The following PHF6 variants were observed in gnomAD, a reference collection of about 807,000 sequenced individuals.
PHF6 encodes PHD finger protein 6.
Under a neutral mutation model 34.0 loss-of-function variants are expected in PHF6, and 7 were observed. The ratio of observed to expected loss-of-function variants is 0.21; its 90% confidence interval spans 0.12 to 0.39. PHF6 has a LOEUF of 0.39. PHF6 is among the 10% of genes least tolerant of loss of function. PHF6 has a pLI of 1.00. For missense variants in PHF6, 128 were observed against 262.8 expected, an observed-to-expected ratio of 0.49 and a Z score of 3.55; for synonymous variants, 89 against 88.4, an observed-to-expected ratio of 1.01 and a Z score of -0.04.
chrX:134,406,021 G>T (rs929486671), intron 5 of PHF6, among the ~76,000 whole-genome samples: 4 of 108,858 alleles, frequency 3.7e-5, no homozygotes, highest in Admixed American at 3.0e-4. Flanking sequence ...CAAAGCAGAG[G>T]TGGTGATGCT....
In PHF6 at chrX:134,427,003, TGATA is replaced by T. The variant is rs1467985616; in HGVS notation, c.*1346_*1349del. The T allele has an allele frequency of 6.1e-6, 1 of 163,421 alleles. No individual in the cohort carries two copies. Among genetic ancestry groups the T allele is most frequent in the Non-Finnish European group, 1.2e-5 (1 of 84,525 alleles). The allele number at this position is 163,421 out of a possible 1,213,427, so 13.5% of individuals were successfully genotyped here. ...ACTGTACATTGAGATATTCTGCAGC[TGATA>T]GAGCAGCATTTTAAAAATGTAACAG... On this transcript the variant is annotated 3_prime_UTR_variant, in exon 11 of 11. Transcript: ENST00000370803.
chrX:134,389,101 G>A (rs1027258689), intron 3 of PHF6, among the ~76,000 whole-genome samples: 1 of 111,447 alleles, frequency 9.0e-6, no homozygotes, highest in African/African-American at 3.3e-5. Context: ...TTACTAGGTC[G>A]ACTAGGTAGC....
At position 134,427,923 on chromosome X, in the gene PHF6, G is replaced by C. The variant is rs1602724016; in HGVS notation, c.*2263G>C. On this transcript the variant is annotated 3_prime_UTR_variant, in exon 11 of 11. Transcript: ENST00000370803. The stretch of plus-strand genomic sequence containing the variant: ...TCATCTTCTGGGTAGTAATTACATT[G>C]TGGTATTAATATTTAGAAAAATGGA... 3.2e-5 allele frequency: 5 copies of C among 153,975 alleles called. No homozygotes were observed. The East Asian group carries it at 5.0e-4, about 15-fold the overall frequency. 12.7% of individuals were successfully genotyped at this position (153,975 alleles called of 1,213,427 possible). A position where few individuals can be genotyped will look rare whatever the true frequency, so the allele number is the denominator to read the frequency against.
Position 134,377,556 on chromosome X carries a change from T to C in PHF6, c.-46-16T>C. The C allele has an allele frequency of 9.1e-7, 1 of 1,104,656 alleles. No individual in the cohort carries two copies. Among genetic ancestry groups the C allele is most frequent in the Non-Finnish European group, 1.2e-6 (1 of 816,571 alleles). 91.0% of individuals were successfully genotyped at this position (1,104,656 alleles called of 1,213,427 possible). A position where few individuals can be genotyped will look rare whatever the true frequency, so the allele number is the denominator to read the frequency against. On this transcript the variant is annotated splice_polypyrimidine_tract_variant and intron_variant, in intron 1 of 10. Coordinates refer to ENST00000370803, the MANE Select transcript of PHF6 (RefSeq NM_001015877.2). ...TAAAATAAAATTAACATTGTCGCCCTTCTTATTCTCTGTAGCATTTCTTGA... is the reference window on the plus strand; with the variant it reads ...TAAAATAAAATTAACATTGTCGCCCCTCTTATTCTCTGTAGCATTTCTTGA...
At chrX:134,420,717 C>G (rs2077488856) in intron 9 of PHF6, among the ~76,000 whole-genome samples, 1 of 110,650 alleles carries the variant, frequency 9.0e-6, no homozygotes, top group African/African-American at 3.3e-5. Context: ...TTCAGCTTCC[C>G]AAGTAGCTGG....
intron 5 of PHF6, among the ~76,000 whole-genome samples, chrX:134,402,326 T>TA (rs1487425987): frequency 3.6e-4 from 40 of 112,355 alleles, no homozygotes; most frequent in African/African-American, 1.3e-3. Flanking sequence ...AATGGAAATA[T>TA]AGGGAGATTC....
intron 5 of PHF6, among the ~76,000 whole-genome samples, chrX:134,407,825 C>T (rs750524124): frequency 9.0e-6 from 1 of 111,406 alleles, no homozygotes; most frequent in East Asian, 2.8e-4. Flanking sequence ...CAGTGCTTTT[C>T]TGGGTGGGAG....
In PHF6 at chrX:134,382,752, A is replaced by G. The variant is rs1010526180; in HGVS notation, c.240+4646A>G. On this transcript the variant is annotated intron_variant, in intron 3 of 10. Coordinates refer to ENST00000370803, the MANE Select transcript of PHF6 (RefSeq NM_001015877.2). Reference sequence around the variant, plus strand: ...CCAGCTAATTTTTTGTATTTTTAGTAGAGACAGGGTTTACCACGTTGGCCA... The same window carrying G: ...CCAGCTAATTTTTTGTATTTTTAGTGGAGACAGGGTTTACCACGTTGGCCA... Among the ~76,000 whole-genome samples, 6 of 109,403 alleles carry G rather than the reference A, an allele frequency of 5.5e-5. No homozygotes were observed. In the South Asian group the frequency reaches 1.6e-3, roughly 29 times the overall value.
At chrX:134,383,549 G>C (rs1268665472) in intron 3 of PHF6, among the ~76,000 whole-genome samples, 1 of 111,213 alleles carries the variant, frequency 9.0e-6, no homozygotes, top group African/African-American at 3.3e-5. Flanking sequence ...GAAATCCTCT[G>C]AACAGTTTTC....
intron 5 of PHF6, among the ~76,000 whole-genome samples, chrX:134,409,331 G>T (rs1484424430): frequency 1.8e-5 from 2 of 111,384 alleles, no homozygotes; most frequent in African/African-American, 6.5e-5. Flanking sequence ...GTGCACGTGG[G>T]TCTGTTTTCA....
chrX:134,397,065 C>T (rs866693213), intron 5 of PHF6, among the ~76,000 whole-genome samples: 1 of 111,041 alleles, frequency 9.0e-6, no homozygotes, highest in East Asian at 2.8e-4. Flanking sequence ...ATAAAATGAG[C>T]TGTTTTGAAA....
chrX:134,414,733 A>G (rs1283671747), intron 7 of PHF6, among the ~76,000 whole-genome samples: 2 of 111,730 alleles, frequency 1.8e-5, no homozygotes, highest in African/African-American at 6.5e-5. Context: ...GTGGAAATGT[A>G]AAATAGTTGA....
At chrX:134,400,677 G>A (rs1336870493) in intron 5 of PHF6, among the ~76,000 whole-genome samples, 1 of 110,904 alleles carries the variant, frequency 9.0e-6, no homozygotes, top group Non-Finnish European at 1.9e-5. Context: ...TAGCTCTGAA[G>A]ACTGGGAGAG....
rs773176481 is a variant in PHF6 at position 134,393,534 on chromosome X, A to G, written c.274A>G (p.Ile92Val). 7 of 1,210,810 alleles carry G rather than the reference A, an allele frequency of 5.8e-6. No individual in the cohort carries two copies. In the Admixed American group the frequency reaches 1.5e-4, roughly 26 times the overall value. Residue 92 changes from isoleucine to valine, a missense_variant, in exon 4 of 11, where the codon ATT becomes GTT. Physicochemically the swap from Ile to Val is conservative, Grantham distance 29. Around this residue, in one of 3 missense-constraint regions of PHF6, gnomAD observed 97 missense variants for 152.9 expected, o/e 0.63. Transcript: ENST00000370803. ...CSLCHCPGATIGCDVKTCHRT... is the reference protein window; with the variant it reads ...CSLCHCPGATVGCDVKTCHRT... ...TTTGTGCCATTGTCCTGGAGCAACA[A>G]TTGGTTGTGATGTGAAAACATGTCA...
intron 5 of PHF6, among the ~76,000 whole-genome samples, chrX:134,397,778 G>A (rs1289722690): frequency 8.9e-6 from 1 of 112,151 alleles, no homozygotes; most frequent in Admixed American, 9.5e-5. Context: ...TATTTTCCAG[G>A]CCTGTTAGGT....
rs2077506798 is a variant in PHF6 at position 134,426,155 on chromosome X, T to C, written c.*495T>C. The stretch of plus-strand genomic sequence containing the variant: ...AGAGAACCTTCTTTTTCTCTTGACT[T>C]TGACAGCACATGCTAAAAATCTCTT... On this transcript the variant is annotated 3_prime_UTR_variant, in exon 11 of 11. Transcript: ENST00000370803. 1 of 158,467 alleles carries C rather than the reference T, an allele frequency of 6.3e-6. No homozygotes were observed. Among genetic ancestry groups the C allele is most frequent in the Admixed American group, 8.3e-5 (1 of 12,083 alleles). 13.1% of individuals were successfully genotyped at this position (158,467 alleles called of 1,213,427 possible). A position where few individuals can be genotyped will look rare whatever the true frequency, so the allele number is the denominator to read the frequency against.
chrX:134,423,760 CAT>C (rs2124259940), intron 9 of PHF6, among the ~76,000 whole-genome samples: 1 of 111,683 alleles, frequency 9.0e-6, no homozygotes, highest in East Asian at 2.8e-4. Flanking sequence ...CTATTTGTAA[CAT>C]GTGAATTCCT....
intron 5 of PHF6, among the ~76,000 whole-genome samples, chrX:134,406,374 A>G (rs1025089826): frequency 3.6e-5 from 4 of 111,791 alleles, no homozygotes; most frequent in African/African-American, 1.3e-4. Context: ...TAACCAAGTT[A>G]AGACCTAGTA....
At chrX:134,421,345 T>A (rs967206830) in intron 9 of PHF6, among the ~76,000 whole-genome samples, 1 of 111,908 alleles carries the variant, frequency 8.9e-6, no homozygotes, top group African/African-American at 3.2e-5. Flanking sequence ...TCAACAAGCT[T>A]AATGGTTATA....
Sources: allele counts gnomAD v4.1 joint callset (sites outside exome capture counted in the v4.1 genomes callset), GRCh38; gene constraint gnomAD v4.1.1; regional missense constraint gnomAD v4.1.1; transcripts MANE v1.5; gene names NCBI Gene and HGNC (gene_info 2026-07-23, HGNC 2026-07-21).